IRF2: variants seen among roughly 807,000 people sequenced by gnomAD.
IRF2 encodes interferon regulatory factor 2.
In IRF2, 15 loss-of-function variants were observed where a neutral mutation model predicts 40.6. The ratio of observed to expected loss-of-function variants is 0.37; its 90% CI spans 0.25 to 0.57. The LOEUF is 0.57. Among genes scored for constraint, IRF2 ranks in the 20% least tolerant of loss-of-function variants. IRF2 has a pLI of 0.77. For missense variants in IRF2, 317 were observed against 455.7 expected (o/e 0.70, Z 2.77); for synonymous variants, 151 against 165.5 (o/e 0.91, Z 0.67).
chr4:184,473,197 C>G (rs1322380062), intron 1 of IRF2, among the ~76,000 whole-genome samples: 1 of 151,358 alleles, frequency 6.6e-6, no homozygotes, highest in Non-Finnish European at 1.5e-5. Context: ...GAATGTCACC[C>G]GGCGCCCGGA....
intron 1 of IRF2, among the ~76,000 whole-genome samples, chr4:184,472,863 C>A (rs1190706077): frequency 1.3e-5 from 2 of 152,240 alleles, no homozygotes; most frequent in Non-Finnish European, 2.9e-5. Context: ...ACGGCTCTGG[C>A]GCCCTGCCCA....
At chr4:184,415,110 G>A (rs1160041126) in intron 5 of IRF2, among the ~76,000 whole-genome samples, 1 of 152,172 alleles carries the variant, frequency 6.6e-6, no homozygotes, top group African/African-American at 2.4e-5. Context: ...GAACAGCCAG[G>A]AAGCACAGAA....
At chr4:184,439,007 G>C (rs1262525474) in intron 1 of IRF2, among the ~76,000 whole-genome samples, 1 of 152,184 alleles carries the variant, frequency 6.6e-6, no homozygotes, top group Non-Finnish European at 1.5e-5. Context: ...TTTGGATGGA[G>C]GGCTAGATAC....
intron 7 of IRF2, among the ~76,000 whole-genome samples, chr4:184,394,029 G>GTTTGAA (rs1368394866): frequency 6.6e-6 from 1 of 152,180 alleles, no homozygotes; most frequent in Non-Finnish European, 1.5e-5. Context: ...CTTTTGATTA[G>GTTTGAA]TTTGAATTTG....
intron 1 of IRF2, among the ~76,000 whole-genome samples, chr4:184,432,608 A>G (rs944512875): frequency 6.6e-6 from 1 of 152,260 alleles, no homozygotes; most frequent in African/African-American, 2.4e-5. Flanking sequence ...ACAGAAACAC[A>G]TAAGACAAGG....
intron 1 of IRF2, among the ~76,000 whole-genome samples, chr4:184,438,376 C>T (rs1427306019): frequency 6.6e-6 from 1 of 152,172 alleles, no homozygotes; most frequent in Admixed American, 6.5e-5. Context: ...GCACTTTTAA[C>T]TTAATTTTAA....
chr4:184,407,917 AT>A (rs1456363773), intron 6 of IRF2, among the ~76,000 whole-genome samples: 1 of 151,958 alleles, frequency 6.6e-6, no homozygotes, highest in African/African-American at 2.4e-5. Flanking sequence ...GGAAACAAAC[AT>A]TTTTCCTGGG....
chr4:184,437,101 G>C (rs1738108191), intron 1 of IRF2, among the ~76,000 whole-genome samples: 1 of 152,168 alleles, frequency 6.6e-6, no homozygotes, highest in Non-Finnish European at 1.5e-5. Flanking sequence ...TGTCACCCAG[G>C]CTAGAGTATA....
intron 7 of IRF2, among the ~76,000 whole-genome samples, chr4:184,392,563 T>C (rs977537018): frequency 6.6e-6 from 1 of 152,210 alleles, no homozygotes; most frequent in African/African-American, 2.4e-5. Context: ...ACCCGGTCCC[T>C]GCTGAGGGGC....
At chr4:184,454,899 T>A (rs142237005) in intron 1 of IRF2, among the ~76,000 whole-genome samples, 48 of 152,224 alleles carry the variant, frequency 3.2e-4, no homozygotes, top group African/African-American at 1.1e-3. Context: ...TTCCTTGGTC[T>A]CCCCTAAGAC....
At chr4:184,417,843 T>C (rs1346881988) in intron 5 of IRF2, among the ~76,000 whole-genome samples, 2 of 151,716 alleles carry the variant, frequency 1.3e-5, no homozygotes, top group East Asian at 3.9e-4. Flanking sequence ...AGTATGAGAA[T>C]AAGCTGTTGT....
At chr4:184,401,803 T>A (rs1009800343) in intron 6 of IRF2, among the ~76,000 whole-genome samples, 1 of 152,236 alleles carries the variant, frequency 6.6e-6, no homozygotes, top group African/African-American at 2.4e-5. Flanking sequence ...AGGTCTTAGA[T>A]AAATGTGACT....
intron 7 of IRF2, among the ~76,000 whole-genome samples, chr4:184,391,425 A>G (rs1349724446): frequency 1.3e-5 from 2 of 152,214 alleles, no homozygotes; most frequent in African/African-American, 4.8e-5. Flanking sequence ...CTGCTGGGAG[A>G]GGAAACACTC....
chr4:184,460,425 T>C (rs1356211586), intron 1 of IRF2, among the ~76,000 whole-genome samples: 1 of 152,218 alleles, frequency 6.6e-6, no homozygotes, highest in East Asian at 1.9e-4. Flanking sequence ...GTGAATGTAA[T>C]TAACGTCACC....
chr4:184,405,157 T>C (rs1015728684), intron 6 of IRF2, among the ~76,000 whole-genome samples: 2 of 152,104 alleles, frequency 1.3e-5, no homozygotes, highest in Non-Finnish European at 2.9e-5. Flanking sequence ...GGCAGGAGAA[T>C]CGCTTGAACC....
At chr4:184,419,604 G>C (rs1484849442) in intron 2 of IRF2, 36 bp from the exon 3 acceptor site, 1 of 1,437,236 alleles carries the variant, frequency 7.0e-7, no homozygotes, top group Admixed American at 1.9e-5. Flanking sequence ...TAAAGAACTG[G>C]AGTCATGGGT....
At chr4:184,438,899 C>T (rs1004607303) in intron 1 of IRF2, among the ~76,000 whole-genome samples, 1 of 152,190 alleles carries the variant, frequency 6.6e-6, no homozygotes, top group African/African-American at 2.4e-5. Flanking sequence ...CTTCCTCCTG[C>T]TCTGCCTGCG....
Position 184,399,049 on chromosome 4 carries a change from A to G in IRF2, c.560T>C (p.Ile187Thr), listed in dbSNP as rs370266524. Residue 187 changes from isoleucine to threonine, a missense_variant, in exon 7 of 9, where the codon ATT becomes ACT. Coordinates refer to ENST00000393593, the MANE Select transcript of IRF2 (RefSeq NM_002199.4). ...ATTGGTGACAATCTCTTGATTCTCA[A>G]TGTTGCTGTCCAGATGGGACTGTCC... ...VVGQSHLDSNIENQEIVTNPP... is the reference protein window; with the variant it reads ...VVGQSHLDSNTENQEIVTNPP... The G allele has an allele frequency of 1.2e-5, 19 of 1,611,386 alleles. No individual in the cohort carries two copies. The highest frequency in any genetic ancestry group is 6.7e-5 in the East Asian group (3 of 44,750).
intron 1 of IRF2, among the ~76,000 whole-genome samples, chr4:184,452,547 T>G (rs1738753054): frequency 6.6e-6 from 1 of 152,030 alleles, no homozygotes; most frequent in Non-Finnish European, 1.5e-5. Context: ...ATCATTTAGC[T>G]GTGACTTTGG....
Sources: allele counts gnomAD v4.1 joint callset (sites outside exome capture counted in the v4.1 genomes callset), GRCh38; gene constraint gnomAD v4.1.1; transcripts MANE v1.5; gene names NCBI Gene and HGNC (gene_info 2026-07-23, HGNC 2026-07-21).